Variants in SNX29 observed in about 807,000 individuals in gnomAD.
The protein encoded by SNX29 is sorting nexin-29.
In SNX29, 78 loss-of-function variants were observed where a neutral mutation model predicts 102.1. That is an observed-to-expected ratio of 0.76 (90% CI 0.64 to 0.92). The LOEUF is 0.92. SNX29 is among the 40% of genes least tolerant of loss of function. SNX29 has a pLI of 0.00. For missense variants in SNX29, 1,280 were observed against 1,061.7 expected (o/e 1.21, Z -2.86); for synonymous variants, 580 against 414.5 (o/e 1.40, Z -4.85).
chr16:12,032,199 TC>T (rs1567546491), intron 4 of SNX29, among the ~76,000 whole-genome samples: 15 of 148,904 alleles, frequency 1.0e-4, no homozygotes, highest in East Asian at 5.8e-4. Flanking sequence ...TTCTTCTTCT[TC>T]TTCTTTTTTT....
chr16:12,542,699 G>C (rs958450315), intron 20 of SNX29, among the ~76,000 whole-genome samples: 1 of 152,118 alleles, frequency 6.6e-6, no homozygotes, highest in South Asian at 2.1e-4. Context: ...GGCCAGGCTG[G>C]TGTTGGTCCC....
At chr16:12,051,398 C>A (rs2050295079) in intron 7 of SNX29, among the ~76,000 whole-genome samples, 1 of 151,648 alleles carries the variant, frequency 6.6e-6, no homozygotes, top group Non-Finnish European at 1.5e-5. Flanking sequence ...ATAGACATCA[C>A]CTCTGGCTGG....
At chr16:11,976,975 G>A (rs1157352523) in intron 1 of SNX29, 162 bp downstream of exon 1, 2 of 947,736 alleles carry the variant, frequency 2.1e-6, no homozygotes, top group Non-Finnish European at 2.7e-6. Context: ...CCCGGCTCGT[G>A]GCCCCTGCTC....
chr16:12,140,374 C>T (rs114002501), intron 13 of SNX29, among the ~76,000 whole-genome samples: 2,502 of 152,310 alleles, frequency 0.016, 72 homozygotes, highest in African/African-American at 0.057. Context: ...ATTTCCCGGG[C>T]CAGCTGTGTT....
At chr16:12,031,769 C>T (rs1039589550) in intron 4 of SNX29, among the ~76,000 whole-genome samples, 14 of 151,964 alleles carry the variant, frequency 9.2e-5, no homozygotes, top group Admixed American at 6.6e-5. Context: ...CGCGCCACTG[C>T]ACTCCAGCCT....
At chr16:12,357,669 GCTGTCCCCTTTAAACAGTCAGTGC>G (rs1482004731) in intron 16 of SNX29, among the ~76,000 whole-genome samples, 3 of 152,166 alleles carry the variant, frequency 2.0e-5, no homozygotes, top group Non-Finnish European at 4.4e-5. Flanking sequence ...CCCGACTGAA[GCTGTCCCCTTTAAACAGTCAGTGC>G]CTGCTCCCCA....
chr16:12,559,930 G>A (rs553336653), intron 20 of SNX29, among the ~76,000 whole-genome samples: 3 of 152,266 alleles, frequency 2.0e-5, no homozygotes, highest in Non-Finnish European at 4.4e-5. Flanking sequence ...AGTGAGTCGA[G>A]ATTACATCAC....
chr16:12,476,581 A>G (rs1259647291), intron 18 of SNX29, among the ~76,000 whole-genome samples: 3 of 150,628 alleles, frequency 2.0e-5, no homozygotes, highest in Non-Finnish European at 3.0e-5. Flanking sequence ...GACGTCAGCA[A>G]TAATGGAATG....
At chr16:12,335,277 G>C (rs756870832) in intron 15 of SNX29, among the ~76,000 whole-genome samples, 4 of 152,096 alleles carry the variant, frequency 2.6e-5, no homozygotes, top group Non-Finnish European at 5.9e-5. Flanking sequence ...ACTTGGAAAA[G>C]ATTCTTTAAT....
chr16:12,166,228 A>G (rs1172253270), intron 13 of SNX29, among the ~76,000 whole-genome samples: 1 of 152,218 alleles, frequency 6.6e-6, no homozygotes, highest in Non-Finnish European at 1.5e-5. Context: ...ACTGAGCAAA[A>G]TACTTGGGAT....
chr16:12,555,452 G>A (rs1192748143), intron 20 of SNX29, among the ~76,000 whole-genome samples: 1 of 152,002 alleles, frequency 6.6e-6, no homozygotes, highest in African/African-American at 2.4e-5. Context: ...TACGCAGGGT[G>A]TTTCCCTAGT....
intron 16 of SNX29, among the ~76,000 whole-genome samples, chr16:12,358,561 C>A (rs552021341): frequency 6.6e-6 from 1 of 152,292 alleles, no homozygotes; most frequent in African/African-American, 2.4e-5. Flanking sequence ...CAAGGCAGGA[C>A]TCTAATCTTC....
At chr16:11,988,277 G>C (rs1432645088) in intron 1 of SNX29, among the ~76,000 whole-genome samples, 6 of 142,250 alleles carry the variant, frequency 4.2e-5, no homozygotes, top group Non-Finnish European at 9.1e-5. Context: ...CTGGGCGACA[G>C]AGTGCGACTC....
intron 13 of SNX29, among the ~76,000 whole-genome samples, chr16:12,178,577 T>C (rs531396165): frequency 7.2e-5 from 11 of 152,274 alleles, no homozygotes; most frequent in East Asian, 1.9e-4. Context: ...CCCCCAACAG[T>C]TGGGAAGCTC....
intron 18 of SNX29, among the ~76,000 whole-genome samples, chr16:12,430,075 C>T (rs1443509521): frequency 6.6e-6 from 1 of 152,228 alleles, no homozygotes; most frequent in Admixed American, 6.5e-5. Context: ...GCATCAGATT[C>T]TCATAGGGGC....
chr16:12,188,130 G>T (rs1017450215), intron 13 of SNX29, among the ~76,000 whole-genome samples: 11 of 152,124 alleles, frequency 7.2e-5, no homozygotes, highest in African/African-American at 2.7e-4. Context: ...TGGAGCCCTG[G>T]TTTGCAATTT....
chr16:12,193,336 G>C (rs980223690), intron 13 of SNX29, among the ~76,000 whole-genome samples: 1 of 152,076 alleles, frequency 6.6e-6, no homozygotes, highest in East Asian at 1.9e-4. Context: ...CGGGCCTAGT[G>C]GTGGGTGCCG....
intron 15 of SNX29, among the ~76,000 whole-genome samples, chr16:12,299,684 C>T (rs1026341972): frequency 2.0e-5 from 3 of 151,944 alleles, no homozygotes; most frequent in Non-Finnish European, 4.4e-5. Context: ...TTCTTCTTCC[C>T]CACCTGCCTC....
At chr16:12,248,647 C>T (rs569494002) in intron 14 of SNX29, among the ~76,000 whole-genome samples, 92 of 152,152 alleles carry the variant, frequency 6.0e-4, no homozygotes, top group African/African-American at 2.0e-3. Flanking sequence ...AACTCCTGAT[C>T]TCAAGTGATC....
Sources: allele counts gnomAD v4.1 joint callset (sites outside exome capture counted in the v4.1 genomes callset), GRCh38; gene constraint gnomAD v4.1.1; transcripts MANE v1.5; gene names NCBI Gene and HGNC (gene_info 2026-07-23, HGNC 2026-07-21).